Variants in ATM observed in about 807,000 individuals in gnomAD.
ATM encodes ATM serine/threonine kinase.
Under a neutral mutation model 387.0 loss-of-function variants are expected in ATM, and 308 were observed. That is an observed-to-expected ratio of 0.80 (90% CI 0.73 to 0.87). ATM has a LOEUF of 0.87. Among genes scored for constraint, ATM ranks in the 40% least tolerant of loss-of-function variants. ATM has a pLI of 0.00. For missense variants in ATM, 3,312 were observed against 3,560.9 expected (o/e 0.93, Z 1.78); for synonymous variants, 1,156 against 1,187.3 (o/e 0.97, Z 0.54).
At chr11:108,356,650 T>C (rs1229675176) in intron 61 of ATM, among the ~76,000 whole-genome samples, 1 of 152,174 alleles carries the variant, frequency 6.6e-6, no homozygotes, top group Non-Finnish European at 1.5e-5. Flanking sequence ...GGGATTTTTA[T>C]GCTAAGGTGG....
Position 108,244,946 on chromosome 11 carries a change from C to A in ATM, c.821C>A (p.Ser274Tyr). ...TGGACTCAACATAGGCTTAATGATT[C>A]TTTAAAAGAAGTCATTATTGAATTA... The part of the protein sequence containing the change: ...YIWTQHRLND[S>Y]LKEVIIELFQ... Residue 274 changes from serine to tyrosine, a missense_variant, in exon 7 of 63, where the codon TCT becomes TAT. By Grantham distance (144) the Ser-to-Tyr change is moderately radical. Coordinates refer to ENST00000675843, the MANE Select transcript of ATM (RefSeq NM_000051.4). 2 of 1,613,292 alleles carry A rather than the reference C, an allele frequency of 1.2e-6. No individual in the cohort carries two copies. Among genetic ancestry groups the A allele is most frequent in the Middle Eastern group, 1.7e-4 (1 of 6,058 alleles).
Position 108,252,758 on chromosome 11 carries a change from A to C in ATM, c.1803-59A>C, listed in dbSNP as rs2080223331. 41 of 1,177,058 alleles carry C rather than the reference A, an allele frequency of 3.5e-5. No individual in the cohort carries two copies. The South Asian group carries it at 4.4e-4, about 13-fold the overall frequency. 72.9% of individuals were successfully genotyped at this position (1,177,058 alleles called of 1,614,324 possible). A position where few individuals can be genotyped will look rare whatever the true frequency, so the allele number is the denominator to read the frequency against. On this transcript the variant is annotated intron_variant, in intron 11 of 62. Transcript: ENST00000675843. ...TAGCTAAACATGGATGTTAAAGTTTAAAGTATTCTTTACATGGCTTTTGGT... is the reference window on the plus strand; with the variant it reads ...TAGCTAAACATGGATGTTAAAGTTTCAAGTATTCTTTACATGGCTTTTGGT...
At position 108,295,030 on chromosome 11, in the gene ATM, A is replaced by G. The variant is rs786203857; in HGVS notation, c.4880A>G (p.Gln1627Arg). ...AGACAACTGGAACTACATAAAGATC[A>G]GATGGTGGACATTATGAGAGCTTCT... ...LRRQLELHKDQMVDIMRASQD... is the reference protein window; with the variant it reads ...LRRQLELHKDRMVDIMRASQD... The change falls in exon 32 of 63, where the codon CAG becomes CGG. Residue 1627 changes from glutamine (Q) to arginine (R), a missense_variant. Gln to Arg is a conservative substitution (Grantham distance 43). Coordinates refer to ENST00000675843, the MANE Select transcript of ATM (RefSeq NM_000051.4). The G allele has an allele frequency of 6.2e-7, 1 of 1,613,996 alleles. No individual in the cohort carries two copies. The highest frequency in any genetic ancestry group is 8.5e-7 in the Non-Finnish European group (1 of 1,179,908).
At chr11:108,269,985 A>G (rs1383497582) in intron 18 of ATM, among the ~76,000 whole-genome samples, 1 of 152,222 alleles carries the variant, frequency 6.6e-6, no homozygotes, top group South Asian at 2.1e-4. Context: ...CCTCATGTAC[A>G]TGACTCTCAT....
At chr11:108,245,795 A>G (rs1157693547) in intron 7 of ATM, among the ~76,000 whole-genome samples, 3 of 150,172 alleles carry the variant, frequency 2.0e-5, no homozygotes, top group Non-Finnish European at 4.4e-5. Context: ...AATAGCAGCT[A>G]TAATGGAGGA....
rs1449259481 is a variant in ATM, at chr11:108,326,202, A to G, written c.6952A>G (p.Lys2318Glu). ...ALSILKQMIK[K>E]LDASCAANNP... ...GAGTATTCTCAAGCAAATGATCAAG[A>G]AGTTGGATGCCAGCTGTGCAGCGGT... Residue 2318 changes from lysine (K) to glutamate (E), a missense_variant, in exon 47 of 63, where the codon AAG becomes GAG. Physicochemically the swap from Lys to Glu is moderately conservative, Grantham distance 56. Coordinates refer to ENST00000675843, the MANE Select transcript of ATM (RefSeq NM_000051.4). 9.3e-6 allele frequency: 15 copies of G among 1,613,966 alleles called. No homozygotes were observed. The highest frequency in any genetic ancestry group is 1.0e-5 in the Non-Finnish European group (12 of 1,180,016).
Position 108,368,572 on chromosome 11 carries a change from G to A in ATM, c.*3064G>A, listed in dbSNP as rs2091450454. ...AAATTATAAGTACAAGTGTAATATG[G>A]ACAGTATCTAACTTGAAAAGATTTC... On this transcript the variant is annotated 3_prime_UTR_variant, in exon 63 of 63. Transcript: ENST00000675843. 4.6e-6 allele frequency: 1 copy of A among 218,182 alleles called. No individual in the cohort carries two copies. The highest frequency in any genetic ancestry group is 9.2e-6 in the Non-Finnish European group (1 of 108,720). 13.5% of individuals were successfully genotyped at this position (218,182 alleles called of 1,614,324 possible).
intron 56 of ATM, among the ~76,000 whole-genome samples, chr11:108,339,737 C>T (rs1423919410): frequency 6.6e-6 from 1 of 152,052 alleles, no homozygotes; most frequent in Non-Finnish European, 1.5e-5. Context: ...GGGTTTGATT[C>T]CCCCTCCCCG....
Position 108,284,322 on chromosome 11 carries a change from G to A in ATM, c.3842G>A (p.Ser1281Asn), listed in dbSNP as rs1064797161. 1 of 1,614,006 alleles carries A rather than the reference G, an allele frequency of 6.2e-7. No homozygotes were observed. The highest frequency in any genetic ancestry group is 8.5e-7 in the Non-Finnish European group (1 of 1,179,950). The change falls in exon 26 of 63, where the codon AGT (serine) becomes AAT (asparagine). Residue 1281 changes from serine (S) to asparagine (N), a missense_variant. Transcript: ENST00000675843. Reference protein sequence around the residue: ...IANQIQEDWKSLLTDCFPKIL... With the variant: ...IANQIQEDWKNLLTDCFPKIL... ...AATCAGATTCAAGAGGACTGGAAAA[G>A]TCTTCTAACAGACTGCTTTCCAAAG...
At chr11:108,224,824 A>G (rs1273995061) in intron 1 of ATM, 2 of 152,160 alleles carry the variant, frequency 1.3e-5, no homozygotes, top group Non-Finnish European at 2.9e-5. Flanking sequence ...TGGTTTATCA[A>G]TTTACTTGTT....
At chr11:108,334,459 T>G (rs1025867812) in intron 54 of ATM, among the ~76,000 whole-genome samples, 4 of 152,216 alleles carry the variant, frequency 2.6e-5, no homozygotes, top group Non-Finnish European at 5.9e-5. Context: ...CAAGAAATAA[T>G]GGAAGTAATT....
At chr11:108,356,129 TAAG>T (rs2089893515) in intron 61 of ATM, 1 of 152,206 alleles carries the variant, frequency 6.6e-6, no homozygotes, top group South Asian at 2.1e-4. Context: ...GAATAAATGA[TAAG>T]AAAATAAGCA....
chr11:108,361,821 G>A (rs1383609393), intron 61 of ATM, among the ~76,000 whole-genome samples: 5 of 152,162 alleles, frequency 3.3e-5, no homozygotes, highest in East Asian at 3.9e-4. Flanking sequence ...AGACTTAAAC[G>A]TTAGACCTAA....
intron 53 of ATM, 108 bp downstream of exon 53, chr11:108,333,008 A>C: frequency 1.5e-6 from 2 of 1,366,844 alleles, no homozygotes; most frequent in Non-Finnish European, 1.0e-6. Flanking sequence ...TCACAAACGT[A>C]ATCCAAAAGC....
intron 31 of ATM, among the ~76,000 whole-genome samples, chr11:108,293,789 G>A (rs1359163048): frequency 2.7e-5 from 4 of 149,474 alleles, no homozygotes; most frequent in African/African-American, 4.9e-5. Flanking sequence ...GAGATGGAAG[G>A]ATCACCTGAG....
intron 25 of ATM, among the ~76,000 whole-genome samples, chr11:108,283,953 T>G (rs2082357206): frequency 6.6e-6 from 1 of 152,170 alleles, no homozygotes; most frequent in South Asian, 2.1e-4. Flanking sequence ...ATTGTTTTGT[T>G]TTTTCTTTTT....
chr11:108,331,150 A>G, intron 50 of ATM: 3 of 1,107,094 alleles, frequency 2.7e-6, no homozygotes, highest in Non-Finnish European at 3.3e-6. Context: ...TCACACTCAG[A>G]TCACATTTGT....
chr11:108,329,515 A>G (rs1364359791), intron 49 of ATM, among the ~76,000 whole-genome samples: 1 of 151,944 alleles, frequency 6.6e-6, no homozygotes, highest in African/African-American at 2.4e-5. Context: ...CCTGGACTCA[A>G]TTGATTCTCC....
rs1006646666 is a variant in ATM, at chr11:108,236,065, G to A, written c.496+231G>A. ...GCCTGATATCAGAGCCGGAATTACA[G>A]TTGAAAAATACCATCTCCATCGTCA... On this transcript the variant is annotated intron_variant, in intron 5 of 62. Transcript: ENST00000675843. The A allele has an allele frequency of 5.7e-6, 3 of 528,516 alleles. No individual in the cohort carries two copies. The African/African-American group carries it at 5.7e-5, about 10-fold the overall frequency. 32.7% of individuals were successfully genotyped at this position (528,516 alleles called of 1,614,324 possible).
Sources: gnomAD v4.1 joint callset for allele counts (sites outside exome capture counted in the v4.1 genomes callset) on GRCh38, gnomAD v4.1.1 for gene constraint, MANE v1.5 for transcripts, NCBI Gene and HGNC (gene_info 2026-07-23, HGNC 2026-07-21) for gene names.